The following FUT8 variants were observed in gnomAD, a reference collection of about 807,000 sequenced individuals.
FUT8 encodes the protein fucosyltransferase 8.
In FUT8, 29 loss-of-function variants were observed where a neutral mutation model predicts 71.3. The ratio of observed to expected loss-of-function variants is 0.41; its 90% CI spans 0.30 to 0.55. The LOEUF (loss-of-function observed/expected upper bound fraction) is 0.55. Among genes scored for constraint, FUT8 ranks in the 20% least tolerant of loss-of-function variants. The probability of loss-of-function intolerance (pLI) is 0.34; values close to 1 mark genes in which losing one functional copy is unlikely to be tolerated. For missense variants in FUT8, 544 were observed against 702.1 expected (o/e 0.77, Z 2.55); for synonymous variants, 254 against 239.3 (o/e 1.06, Z -0.57).
chr14:65,653,099 C>T (rs1287680536), intron 6 of FUT8, among the ~76,000 whole-genome samples: 1 of 152,060 alleles, frequency 6.6e-6, no homozygotes, highest in Admixed American at 6.5e-5. Context: ...ATCACTTCTG[C>T]CCTACTGTAT....
At chr14:65,679,666 T>C (rs1003587460) in intron 7 of FUT8, among the ~76,000 whole-genome samples, 5 of 152,218 alleles carry the variant, frequency 3.3e-5, no homozygotes, top group African/African-American at 1.2e-4. Context: ...TATCTCTTTG[T>C]GCATATATAT....
At chr14:65,724,345 T>C in intron 9 of FUT8, 22 bp downstream of exon 9, 1 of 1,496,450 alleles carries the variant, frequency 6.7e-7, no homozygotes, top group Middle Eastern at 1.7e-4. Flanking sequence ...CAACTAGTGA[T>C]TCTAGAGTGG....
At chr14:65,705,089 T>C (rs528209334) in intron 7 of FUT8, among the ~76,000 whole-genome samples, 5 of 152,208 alleles carry the variant, frequency 3.3e-5, no homozygotes, top group Non-Finnish European at 5.9e-5. Context: ...TTAGAACTTT[T>C]TATTCAATTG....
intron 2 of FUT8, among the ~76,000 whole-genome samples, chr14:65,482,093 C>T (rs1475879995): frequency 6.6e-6 from 1 of 152,014 alleles, no homozygotes; most frequent in Non-Finnish European, 1.5e-5. Context: ...CATAGAAGTT[C>T]TCTCCTGGAA....
chr14:65,605,436 A>G (rs2140182064), intron 3 of FUT8, among the ~76,000 whole-genome samples: 1 of 152,038 alleles, frequency 6.6e-6, no homozygotes, highest in East Asian at 1.9e-4. Flanking sequence ...ATTAAGTTAA[A>G]ACCAGGTCAT....
chr14:65,389,882 G>A, the FUT8 span, among the ~76,000 whole-genome samples: 1 of 151,196 alleles, frequency 6.6e-6, no homozygotes, highest in Non-Finnish European at 1.5e-5. Context: ...ATGTTTAAAG[G>A]CAATATATAA....
chr14:65,482,403 A>G (rs890251581), intron 2 of FUT8, among the ~76,000 whole-genome samples: 2 of 152,020 alleles, frequency 1.3e-5, no homozygotes, highest in African/African-American at 4.8e-5. Context: ...ATAAAATTTT[A>G]AGCAACACCC....
rs571897577 is a variant in FUT8 at position 65,606,914 on chromosome 14, T to G, written c.204-9064T>G. Among the ~76,000 whole-genome samples the G allele has an allele frequency of 1.8e-4, 27 of 151,940 alleles. 2 individuals carry two copies. In the South Asian group the frequency reaches 5.7e-3, roughly 32 times the overall value. The stretch of plus-strand genomic sequence containing the variant: ...ACTTCTTCAGAAAATTTATAATTTT[T>G]TAATGTATGAGGTATGTTGCTGTTT... On this transcript the variant is annotated intron_variant, in intron 3 of 10. Coordinates refer to ENST00000673929, the MANE Select transcript of FUT8 (RefSeq NM_001371533.1).
At chr14:65,530,977 T>C (rs1241665016) in intron 2 of FUT8, among the ~76,000 whole-genome samples, 2 of 146,740 alleles carry the variant, frequency 1.4e-5, no homozygotes, top group African/African-American at 5.0e-5. Flanking sequence ...GTATGGGAAC[T>C]TTTTACCAAT....
At chr14:65,395,491 C>A in the FUT8 span, among the ~76,000 whole-genome samples, 2 of 152,262 alleles carry the variant, frequency 1.3e-5, no homozygotes, top group Non-Finnish European at 2.9e-5. Flanking sequence ...TTCTGTGTAT[C>A]TGCAGGCTCA....
intron 2 of FUT8, among the ~76,000 whole-genome samples, chr14:65,556,640 CAA>C (rs1885600861): frequency 6.6e-6 from 1 of 152,096 alleles, no homozygotes; most frequent in South Asian, 2.1e-4. Flanking sequence ...AGCCAACACT[CAA>C]GAGGAGGAGA....
Position 65,456,284 on chromosome 14 carries a change from T to C in FUT8, c.-228+566T>C, listed in dbSNP as rs896089150. Among the ~76,000 whole-genome samples, 5 of 152,210 alleles carry C rather than the reference T, an allele frequency of 3.3e-5. No homozygotes were observed. In the East Asian group the frequency reaches 7.7e-4, roughly 23 times the overall value. On this transcript the variant is annotated intron_variant, in intron 2 of 10. Transcript: ENST00000673929. ...ATCCCTAGCAATCACTGATCTGCTTTCTATCCCTGTAATTTGCCTTTTCCA... is the reference window on the plus strand; with the variant it reads ...ATCCCTAGCAATCACTGATCTGCTTCCTATCCCTGTAATTTGCCTTTTCCA...
At position 65,630,028 on chromosome 14, in the gene FUT8, G is replaced by T. The variant is rs1367846090; in HGVS notation, c.597+422G>T. Among the ~76,000 whole-genome samples the T allele has an allele frequency of 3.3e-5, 5 of 152,140 alleles. No homozygotes were observed. The East Asian group carries it at 9.6e-4, about 29-fold the overall frequency. On this transcript the variant is annotated intron_variant, in intron 6 of 10. Coordinates refer to ENST00000673929, the MANE Select transcript of FUT8 (RefSeq NM_001371533.1). The stretch of plus-strand genomic sequence containing the variant: ...TTGGACACACAGAAATGAAGGAAAA[G>T]AATGTACCAGCTGGAGGTTATCAGC...
chr14:65,565,515 G>A (rs917578849), intron 3 of FUT8, among the ~76,000 whole-genome samples: 11 of 151,648 alleles, frequency 7.3e-5, no homozygotes, highest in Non-Finnish European at 8.8e-5. Context: ...TTTCTCTTGG[G>A]CAAATACCTA....
intron 2 of FUT8, among the ~76,000 whole-genome samples, chr14:65,502,604 C>A (rs1472036076): frequency 6.6e-6 from 1 of 152,058 alleles, no homozygotes; most frequent in Non-Finnish European, 1.5e-5. Flanking sequence ...TCCTTCTTTG[C>A]CTCTTGAGGT....
chr14:65,575,041 G>A (rs1038891015), intron 3 of FUT8, among the ~76,000 whole-genome samples: 2 of 151,642 alleles, frequency 1.3e-5, no homozygotes, highest in Non-Finnish European at 2.9e-5. Context: ...CGTATAAAGC[G>A]AATTCTTTTT....
At chr14:65,648,787 C>T (rs939369634) in intron 6 of FUT8, among the ~76,000 whole-genome samples, 1 of 152,158 alleles carries the variant, frequency 6.6e-6, no homozygotes, top group Non-Finnish European at 1.5e-5. Flanking sequence ...GAGGGTAACA[C>T]TTTTCATTTA....
chr14:65,459,707 A>G (rs530729525), intron 2 of FUT8, among the ~76,000 whole-genome samples: 2 of 152,322 alleles, frequency 1.3e-5, no homozygotes, highest in South Asian at 4.1e-4. Context: ...TATTTTAAAA[A>G]AAGGCGTTAA....
chr14:65,606,884 C>T (rs1200307150), intron 3 of FUT8, among the ~76,000 whole-genome samples: 1 of 151,772 alleles, frequency 6.6e-6, no homozygotes, highest in Admixed American at 6.6e-5. Context: ...ATTTGGGAAA[C>T]AACTACTTCT....
Sources: gnomAD v4.1 joint callset for allele counts (sites outside exome capture counted in the v4.1 genomes callset) on GRCh38, gnomAD v4.1.1 for gene constraint, MANE v1.5 for transcripts, NCBI Gene and HGNC (gene_info 2026-07-23, HGNC 2026-07-21) for gene names.